The following PDE3B variants were observed in gnomAD, a reference collection of about 807,000 sequenced individuals.
PDE3B encodes phosphodiesterase 3B.
A neutral mutation model predicts 116.8 loss-of-function variants in PDE3B; 66 were observed. That is an observed-to-expected ratio of 0.56 (90% CI 0.46 to 0.69). The LOEUF (loss-of-function observed/expected upper bound fraction) is 0.69, where lower values mean the gene tolerates loss of function less well. Ranked by LOEUF, PDE3B falls within the 30% of genes least tolerant of loss-of-function variation. The pLI is 0.00. For synonymous variants in PDE3B, 595 were observed against 533.6 expected (o/e 1.12, Z -1.59); for missense variants, 1,384 against 1,368.1 (o/e 1.01, Z -0.18).
chr11:14,849,625 T>C (rs1847697517), intron 12 of PDE3B, among the ~76,000 whole-genome samples: 1 of 151,890 alleles, frequency 6.6e-6, no homozygotes, highest in Non-Finnish European at 1.5e-5. Flanking sequence ...TACAATGAAC[T>C]CAAACAAATT....
chr11:14,700,856 A>C (rs1233619971), intron 1 of PDE3B: 4 of 151,892 alleles, frequency 2.6e-5, no homozygotes, highest in African/African-American at 7.2e-5. Context: ...GATGAAACTG[A>C]AACTAAAAGT....
intron 2 of PDE3B, among the ~76,000 whole-genome samples, chr11:14,782,119 T>C (rs1012105803): frequency 6.6e-6 from 1 of 152,268 alleles, no homozygotes; most frequent in East Asian, 1.9e-4. Flanking sequence ...AAGGACCTCT[T>C]CAAGGAGAAC....
intron 1 of PDE3B, among the ~76,000 whole-genome samples, chr11:14,696,476 C>T (rs1249233103): frequency 2.0e-5 from 3 of 152,188 alleles, no homozygotes; most frequent in Admixed American, 6.5e-5. Flanking sequence ...TGAAGTCTTT[C>T]GCCATTCTGG....
chr11:14,685,837 T>C (rs1317996596), intron 1 of PDE3B, among the ~76,000 whole-genome samples: 1 of 152,120 alleles, frequency 6.6e-6, no homozygotes, highest in African/African-American at 2.4e-5. Context: ...AAAACTCAAG[T>C]AGGTTTTGGT....
chr11:14,863,557 A>G (rs1555007609), intron 14 of PDE3B, among the ~76,000 whole-genome samples: 2 of 152,222 alleles, frequency 1.3e-5, no homozygotes, highest in Admixed American at 1.3e-4. Flanking sequence ...CCAGAGAGAA[A>G]GGTTGGGTTA....
intron 1 of PDE3B, among the ~76,000 whole-genome samples, chr11:14,705,067 T>C (rs1307140269): frequency 6.6e-6 from 1 of 151,772 alleles, no homozygotes; most frequent in Non-Finnish European, 1.5e-5. Context: ...GCACTGCTAC[T>C]ACATTCTAGA....
chr11:14,703,747 C>G (rs1855443829), intron 1 of PDE3B, among the ~76,000 whole-genome samples: 1 of 151,350 alleles, frequency 6.6e-6, no homozygotes, highest in South Asian at 2.1e-4. Flanking sequence ...CTTGGTTGAA[C>G]TACCCAGTTT....
At chr11:14,891,596 A>G in the PDE3B span, 1 of 1,058,566 alleles carries the variant, frequency 9.4e-7, no homozygotes, top group East Asian at 9.1e-5. Context: ...GCTTCCACAG[A>G]GCTGCGAGGC....
chr11:14,684,263 A>G lies in PDE3B; in HGVS notation c.978+39210A>G, dbSNP rs1000189002. ...TCGGCCAGTTGAGAAATAAAGAGAA[A>G]GTACAAAGAGAGGAATTTTACAGCT... On this transcript the variant is annotated intron_variant, in intron 1 of 15. Transcript: ENST00000282096. Among the ~76,000 whole-genome samples, 8 of 152,194 alleles carry G rather than the reference A, an allele frequency of 5.3e-5. No individual in the cohort carries two copies. The East Asian group carries it at 9.6e-4, about 18-fold the overall frequency.
intron 1 of PDE3B, among the ~76,000 whole-genome samples, chr11:14,728,131 T>C (rs1252306647): frequency 1.3e-5 from 2 of 152,120 alleles, no homozygotes. Flanking sequence ...TATGATTAGC[T>C]GGCAAAAGCT....
chr11:14,748,419 A>G (rs761874953), intron 1 of PDE3B, among the ~76,000 whole-genome samples: 3 of 152,202 alleles, frequency 2.0e-5, no homozygotes, highest in Non-Finnish European at 4.4e-5. Flanking sequence ...TCTTTTCAGT[A>G]CAGAGTTAAT....
intron 1 of PDE3B, among the ~76,000 whole-genome samples, chr11:14,656,357 A>G (rs1223142971): frequency 6.6e-6 from 1 of 152,206 alleles, no homozygotes; most frequent in Non-Finnish European, 1.5e-5. Flanking sequence ...TTTTGTATTT[A>G]TCATTTACAT....
Position 14,781,908 on chromosome 11 carries a change from A to C in PDE3B, c.1030-4529A>C, listed in dbSNP as rs143524942. Reference sequence around the variant, plus strand: ...CAGATGACATGATTGTATATCTAGAAAACCCCATCATGTCAGCCCCAAATC... The same window carrying C: ...CAGATGACATGATTGTATATCTAGACAACCCCATCATGTCAGCCCCAAATC... On this transcript the variant is annotated intron_variant, in intron 2 of 15. Transcript: ENST00000282096. 7.7e-4 allele frequency among the ~76,000 whole-genome samples: 118 copies of C among 152,296 alleles called. No homozygotes were observed. In the East Asian group the frequency reaches 0.016, roughly 21 times the overall value.
intron 1 of PDE3B, among the ~76,000 whole-genome samples, chr11:14,666,663 G>T (rs1447868167): frequency 2.6e-5 from 4 of 151,602 alleles, no homozygotes; most frequent in Admixed American, 1.3e-4. Context: ...CATTTATGCA[G>T]CCAAAAAACA....
intron 1 of PDE3B, among the ~76,000 whole-genome samples, chr11:14,679,558 G>A (rs891403332): frequency 6.6e-6 from 1 of 151,782 alleles, no homozygotes; most frequent in Non-Finnish European, 1.5e-5. Context: ...TCTGCTCCAC[G>A]CAGTGGAATC....
At chr11:14,796,000 T>C (rs1224844443) in intron 4 of PDE3B, among the ~76,000 whole-genome samples, 2 of 152,116 alleles carry the variant, frequency 1.3e-5, no homozygotes, top group African/African-American at 2.4e-5. Flanking sequence ...ACATTAGATA[T>C]TTCTCCTAAT....
intron 1 of PDE3B, among the ~76,000 whole-genome samples, chr11:14,647,326 T>C (rs1417364622): frequency 6.6e-6 from 1 of 152,006 alleles, no homozygotes; most frequent in African/African-American, 2.4e-5. Context: ...GGCTTAACTG[T>C]TTAATTTTGG....
chr11:14,858,297 T>G (rs1847886300), intron 12 of PDE3B, among the ~76,000 whole-genome samples: 1 of 152,164 alleles, frequency 6.6e-6, no homozygotes, highest in East Asian at 1.9e-4. Flanking sequence ...CTATGCTTAT[T>G]TAATAATTTA....
intron 1 of PDE3B, among the ~76,000 whole-genome samples, chr11:14,721,358 CAG>C (rs1442528979): frequency 1.3e-5 from 2 of 151,762 alleles, no homozygotes; most frequent in African/African-American, 2.4e-5. Context: ...TTGTGGAAGT[CAG>C]TGTGGCGATT....
Sources: gnomAD v4.1 joint callset for allele counts (sites outside exome capture counted in the v4.1 genomes callset) on GRCh38, gnomAD v4.1.1 for gene constraint, MANE v1.5 for transcripts, NCBI Gene and HGNC (gene_info 2026-07-23, HGNC 2026-07-21) for gene names.